The following TJP1 variants were observed in gnomAD, a reference collection of about 807,000 sequenced individuals.
TJP1 encodes tight junction protein 1.
Under a neutral mutation model 194.2 loss-of-function variants are expected in TJP1, and 43 were observed. That is an observed-to-expected ratio of 0.22 (90% CI 0.17 to 0.29). The LOEUF is 0.29. Among genes scored for constraint, TJP1 ranks in the 10% least tolerant of loss-of-function variants. The probability of loss-of-function intolerance (pLI) is 1.00; values close to 1 mark genes in which losing one functional copy is unlikely to be tolerated. For synonymous variants in TJP1, 801 were observed against 779.0 expected, an observed-to-expected ratio of 1.03 and a Z score of -0.47; for missense variants, 1,971 against 2,185.7, an observed-to-expected ratio of 0.90 and a Z score of 1.96.
At chr15:29,949,097 A>G (rs1239032547) in intron 2 of TJP1, among the ~76,000 whole-genome samples, 2 of 143,106 alleles carry the variant, frequency 1.4e-5, no homozygotes, top group African/African-American at 5.3e-5. Context: ...CTTCACCACC[A>G]CCTCCACCAC....
intron 2 of TJP1, among the ~76,000 whole-genome samples, chr15:29,832,376 A>G (rs560515333): frequency 6.6e-6 from 1 of 152,326 alleles, no homozygotes; most frequent in African/African-American, 2.4e-5. Flanking sequence ...AACTGACTGC[A>G]TCTGCAGAGT....
intron 2 of TJP1, among the ~76,000 whole-genome samples, chr15:29,854,575 C>A (rs1596112844): frequency 6.6e-6 from 1 of 152,174 alleles, no homozygotes; most frequent in Non-Finnish European, 1.5e-5. Flanking sequence ...ACATTCTCCC[C>A]TGGCTCTCCC....
At position 29,719,007 on chromosome 15, in the gene TJP1, G is replaced by A. The variant is rs373853690; in HGVS notation, c.3135C>T (p.Tyr1045=). 2.6e-5 allele frequency: 42 copies of A among 1,614,018 alleles called. No homozygotes were observed. The Admixed American group carries it at 5.8e-4, about 22-fold the overall frequency. Reference sequence around the variant, plus strand: ...GGTCTCTGCTGGCTTGTTTCTCTACGTATGGGAGTTGGGGTTCATAGGTCA... The same window carrying A: ...GGTCTCTGCTGGCTTGTTTCTCTACATATGGGAGTTGGGGTTCATAGGTCA... ...PNLTYEPQLP[Y]VEKQASRDLE... is the part of the protein sequence containing the mutation. Residue 1045 remains tyrosine (Y), a synonymous_variant, in exon 21 of 28, where the codon TAC becomes TAT. Coordinates refer to ENST00000614355, the MANE Select transcript of TJP1 (RefSeq NM_001330239.4).
rs756665211 is a variant in TJP1 at position 29,883,150 on chromosome 15, C to T, written c.306+73082G>A. On this transcript the variant is annotated intron_variant, in intron 2 of 28. Coordinates refer to the TJP1 transcript ENST00000356107. ...CCTTTGATTTTATACAACCCAAAGCCCACTGGAAATCTGTCTGCTTCCTCC... is the reference window on the plus strand; with the variant it reads ...CCTTTGATTTTATACAACCCAAAGCTCACTGGAAATCTGTCTGCTTCCTCC... Among the ~76,000 whole-genome samples the T allele has an allele frequency of 7.2e-5, 11 of 152,278 alleles. No homozygotes were observed. In the East Asian group the frequency reaches 9.6e-4, roughly 13 times the overall value.
chr15:29,781,242 G>T (rs1021312548), intron 2 of TJP1, among the ~76,000 whole-genome samples: 3 of 151,972 alleles, frequency 2.0e-5, no homozygotes, highest in African/African-American at 7.3e-5. Flanking sequence ...ATAAATTCCT[G>T]GACAAACCCA....
At chr15:29,920,686 C>A (rs918226918) in intron 2 of TJP1, among the ~76,000 whole-genome samples, 7 of 152,128 alleles carry the variant, frequency 4.6e-5, no homozygotes, top group African/African-American at 1.7e-4. Flanking sequence ...CCACTGCATG[C>A]CCACAGAGGA....
chr15:29,866,958 C>T (rs1399117987), intron 2 of TJP1, among the ~76,000 whole-genome samples: 3 of 152,204 alleles, frequency 2.0e-5, no homozygotes, highest in African/African-American at 7.2e-5. Flanking sequence ...GATACTCAGA[C>T]TGAGCCTGAG....
chr15:29,881,943 A>G (rs2052947871), intron 2 of TJP1, among the ~76,000 whole-genome samples: 1 of 150,826 alleles, frequency 6.6e-6, no homozygotes, highest in Non-Finnish European at 1.5e-5. Flanking sequence ...AGATATATAT[A>G]TAGATATATA....
chr15:29,816,998 G>C (rs1188255950), intron 1 of TJP1, among the ~76,000 whole-genome samples: 2 of 152,158 alleles, frequency 1.3e-5, no homozygotes, highest in African/African-American at 4.8e-5. Flanking sequence ...CACAGCAAAA[G>C]AAACTATCAG....
chr15:29,945,389 T>TGG (rs2055239420), intron 2 of TJP1, among the ~76,000 whole-genome samples: 1 of 152,216 alleles, frequency 6.6e-6, no homozygotes, highest in Non-Finnish European at 1.5e-5. Context: ...CCAAGTCAGT[T>TGG]GGTGAGATTT....
intron 2 of TJP1, among the ~76,000 whole-genome samples, chr15:29,869,791 CTTTCTT>C (rs2052435085): frequency 4.9e-5 from 5 of 102,970 alleles, no homozygotes; most frequent in South Asian, 7.2e-4. Context: ...TTCTTTCTTT[CTTTCTT>C]TTTTTTTTTT....
chr15:29,898,492 G>T (rs2053543983), intron 2 of TJP1, among the ~76,000 whole-genome samples: 1 of 151,916 alleles, frequency 6.6e-6, no homozygotes, highest in African/African-American at 2.4e-5. Flanking sequence ...GATTTTTTTT[G>T]AAAGCAACAA....
At chr15:29,914,903 C>T (rs974747177) in intron 2 of TJP1, among the ~76,000 whole-genome samples, 1 of 152,102 alleles carries the variant, frequency 6.6e-6, no homozygotes, top group East Asian at 1.9e-4. Flanking sequence ...CATGCACACA[C>T]AGGCACACAC....
At chr15:29,778,083 G>C (rs1468036572) in intron 2 of TJP1, among the ~76,000 whole-genome samples, 2 of 152,066 alleles carry the variant, frequency 1.3e-5, no homozygotes, top group Non-Finnish European at 2.9e-5. Context: ...AAGCAAGGCA[G>C]GGATGCGAGC....
intron 2 of TJP1, among the ~76,000 whole-genome samples, chr15:29,897,644 G>A (rs1011387002): frequency 2.0e-5 from 3 of 152,190 alleles, no homozygotes; most frequent in African/African-American, 7.2e-5. Flanking sequence ...AGCTGGGAGG[G>A]AGGTGGTACC....
At chr15:29,928,869 G>A (rs536813075) in intron 2 of TJP1, among the ~76,000 whole-genome samples, 3 of 152,184 alleles carry the variant, frequency 2.0e-5, no homozygotes, top group Admixed American at 6.5e-5. Context: ...GTGAACCCAG[G>A]AGGCGGAGCT....
intron 2 of TJP1, among the ~76,000 whole-genome samples, chr15:29,844,255 G>A (rs981947096): frequency 3.3e-4 from 50 of 152,146 alleles, no homozygotes; most frequent in Non-Finnish European, 8.8e-5. Context: ...TTTTAGTAGA[G>A]ACAGGGTTTC....
At chr15:29,818,670 A>ATTTTTTTTTT (rs11312672) in intron 1 of TJP1, among the ~76,000 whole-genome samples, 1 of 124,714 alleles carries the variant, frequency 8.0e-6, no homozygotes, top group Non-Finnish European at 1.7e-5. Flanking sequence ...AGGCCCGGCT[A>ATTTTTTTTTT]TTTTTTTTTT....
chr15:29,865,060 C>T (rs907891993), intron 2 of TJP1, among the ~76,000 whole-genome samples: 1 of 152,070 alleles, frequency 6.6e-6, no homozygotes, highest in Non-Finnish European at 1.5e-5. Flanking sequence ...TTCCTGTGAG[C>T]CAAAAGCTTT....
Sources: gnomAD v4.1 joint callset for allele counts (sites outside exome capture counted in the v4.1 genomes callset) on GRCh38, gnomAD v4.1.1 for gene constraint, MANE v1.5 for transcripts, NCBI Gene and HGNC (gene_info 2026-07-23, HGNC 2026-07-21) for gene names.